USP34: variants seen among roughly 807,000 people sequenced by gnomAD.
USP34 encodes the protein ubiquitin specific peptidase 34.
Under a neutral mutation model 460.3 loss-of-function variants are expected in USP34, and 70 were observed. The observed-to-expected ratio is 0.15, with a 90% CI of 0.13 to 0.19. The LOEUF is 0.19. USP34 is among the 10% of genes least tolerant of loss of function. The pLI is 1.00. For synonymous variants in USP34, 1,647 were observed against 1,405.3 expected, an observed-to-expected ratio of 1.17 and a Z score of -3.85; for missense variants, 3,985 against 4,236.2, an observed-to-expected ratio of 0.94 and a Z score of 1.65.
At chr2:61,290,246 T>G (rs1333894974) in intron 33 of USP34, among the ~76,000 whole-genome samples, 1 of 152,172 alleles carries the variant, frequency 6.6e-6, no homozygotes. Flanking sequence ...TCTCGTATGT[T>G]GCATAGTATA....
intron 57 of USP34, among the ~76,000 whole-genome samples, chr2:61,232,868 C>CG (rs1402367950): frequency 6.6e-5 from 8 of 120,338 alleles, no homozygotes; most frequent in Non-Finnish European, 1.2e-4. Flanking sequence ...ATTCCCCCCC[C>CG]CCTTTTTTTT....
intron 7 of USP34, 74 bp from the exon 8 acceptor site, chr2:61,378,498 T>A (rs1264229530): frequency 2.2e-6 from 2 of 915,596 alleles, no homozygotes; most frequent in Non-Finnish European, 3.4e-6. Flanking sequence ...AATACTAACA[T>A]GGTAAACTGA....
At chr2:61,343,403 C>T (rs570266294) in intron 16 of USP34, among the ~76,000 whole-genome samples, 1 of 152,254 alleles carries the variant, frequency 6.6e-6, no homozygotes, top group African/African-American at 2.4e-5. Flanking sequence ...CAAGCAACCA[C>T]TAACCTTCTG....
At chr2:61,200,942 T>A (rs1280385702) in intron 75 of USP34, among the ~76,000 whole-genome samples, 1 of 152,192 alleles carries the variant, frequency 6.6e-6, no homozygotes, top group East Asian at 1.9e-4. Flanking sequence ...GGTCTTTGTC[T>A]AAGACCTAAG....
At chr2:61,358,640 T>C (rs1174610740) in intron 10 of USP34, among the ~76,000 whole-genome samples, 1 of 152,080 alleles carries the variant, frequency 6.6e-6, no homozygotes, top group Non-Finnish European at 1.5e-5. Flanking sequence ...GACAAAAATA[T>C]GAAAGGCATC....
At chr2:61,464,334 A>G (rs1347217836) in intron 1 of USP34, among the ~76,000 whole-genome samples, 1 of 152,190 alleles carries the variant, frequency 6.6e-6, no homozygotes, top group Non-Finnish European at 1.5e-5. Context: ...CACCACCACC[A>G]ACAAAATAAA....
Position 61,229,650 on chromosome 2 carries a change from A to C in USP34, c.7114-17T>G. On this transcript the variant is annotated splice_polypyrimidine_tract_variant and intron_variant, in intron 58 of 79. Coordinates refer to ENST00000398571, the MANE Select transcript of USP34 (RefSeq NM_014709.4). ...CTGAAACATCTGTGAAGAAAGAAAA[A>C]GATCAAACAAGAGCCAACTCATCAG... The C allele has an allele frequency of 6.3e-7, 1 of 1,596,958 alleles. No homozygotes were observed. Among genetic ancestry groups the C allele is most frequent in the Non-Finnish European group, 8.5e-7 (1 of 1,171,666 alleles).
intron 2 of USP34, among the ~76,000 whole-genome samples, chr2:61,416,107 C>T (rs1015746919): frequency 3.3e-5 from 5 of 152,136 alleles, no homozygotes; most frequent in African/African-American, 1.2e-4. Flanking sequence ...TTCAACCTCA[C>T]CAAAAATTGT....
Position 61,245,238 on chromosome 2 carries a change from G to C in USP34, c.6599C>G (p.Ala2200Gly), listed in dbSNP as rs777125338. The change falls in exon 51 of 80, where the codon GCA becomes GGA. Residue 2200 changes from alanine to glycine, a missense_variant. Physicochemically the swap from Ala to Gly is moderately conservative, Grantham distance 60 (BLOSUM62 0). Transcript: ENST00000398571. Reference protein sequence around the residue: ...EVKPFDSAQLASECFGGEMTT... With the variant: ...EVKPFDSAQLGSECFGGEMTT... ...CATCTCTCCACCAAAACATTCAGAT[G>C]CAAGTTGAGCAGAATCAAAAGGTTT... 6.2e-7 allele frequency: 1 copy of C among 1,609,884 alleles called. No individual in the cohort carries two copies.
At position 61,454,607 on chromosome 2, in the gene USP34, T is replaced by G. The variant is rs1573060670; in HGVS notation, c.43+16043A>C. On this transcript the variant is annotated intron_variant, in intron 1 of 79. Coordinates refer to ENST00000398571, the MANE Select transcript of USP34 (RefSeq NM_014709.4). ...CTCTGTCGCCCAGACTACAGTGAAGTGACACAACCTCTACTCACTTCAACC... is the reference window on the plus strand; with the variant it reads ...CTCTGTCGCCCAGACTACAGTGAAGGGACACAACCTCTACTCACTTCAACC... Among the ~76,000 whole-genome samples the G allele has an allele frequency of 2.0e-5, 3 of 151,784 alleles. No individual in the cohort carries two copies. In the South Asian group the frequency reaches 6.2e-4, roughly 32 times the overall value.
At position 61,208,964 on chromosome 2, in the gene USP34, G is replaced by C. The variant is rs1687194690; in HGVS notation, c.8854C>G (p.Leu2952Val). Reference protein sequence around the residue: ...WTTLISAFRILLESDEDRLLV... With the variant: ...WTTLISAFRIVLESDEDRLLV... ...AGTCTGTCTTCATCAGATTCTAATA[G>C]TATTCTGAAGGCACTAGAAGAAAAC... The change falls in exon 70 of 80, where the codon CTA (leucine) becomes GTA (valine). Residue 2952 changes from leucine to valine, a missense_variant. Transcript: ENST00000398571. The C allele has an allele frequency of 1.3e-6, 2 of 1,586,242 alleles. No homozygotes were observed. Among genetic ancestry groups the C allele is most frequent in the Non-Finnish European group, 1.7e-6 (2 of 1,166,318 alleles).
At chr2:61,441,888 T>C (rs1553392171) in intron 1 of USP34, among the ~76,000 whole-genome samples, 1 of 147,746 alleles carries the variant, frequency 6.8e-6, no homozygotes, top group Non-Finnish European at 1.5e-5. Context: ...TTGAAAGCTG[T>C]AGTAACCAAA....
intron 2 of USP34, among the ~76,000 whole-genome samples, chr2:61,411,909 G>A (rs1276595841): frequency 2.0e-5 from 3 of 152,038 alleles, no homozygotes; most frequent in Admixed American, 2.0e-4. Flanking sequence ...AACAGTAAGG[G>A]CGGGCGTGGT....
chr2:61,303,155 C>T (rs12474734), intron 27 of USP34, among the ~76,000 whole-genome samples: 15,427 of 152,050 alleles, frequency 0.1, 1,030 homozygotes, highest in Non-Finnish European at 0.14. Flanking sequence ...CAACCTCCGC[C>T]TCCTGGGTTC....
At chr2:61,285,048 G>T (rs902069598) in intron 34 of USP34, 91 bp from the exon 35 acceptor site, 6 of 967,534 alleles carry the variant, frequency 6.2e-6, no homozygotes, top group Non-Finnish European at 7.5e-6. Flanking sequence ...AAAGAGATGT[G>T]TATTACAAAA....
At chr2:61,470,177 C>T (rs1450511642) in intron 1 of USP34, among the ~76,000 whole-genome samples, 1 of 152,204 alleles carries the variant, frequency 6.6e-6, no homozygotes, top group African/African-American at 2.4e-5. Flanking sequence ...AAAACCACCA[C>T]CCTGCTCCCG....
intron 10 of USP34, among the ~76,000 whole-genome samples, chr2:61,358,964 CTAAA>C (rs1692190653): frequency 6.6e-6 from 1 of 151,984 alleles, no homozygotes; most frequent in Non-Finnish European, 1.5e-5. Flanking sequence ...AATTAAAAAC[CTAAA>C]TAAAGACAAA....
chr2:61,247,741 T>C (rs553706305), intron 49 of USP34, among the ~76,000 whole-genome samples: 1 of 152,176 alleles, frequency 6.6e-6, no homozygotes, highest in Admixed American at 6.5e-5. Flanking sequence ...AATGTATACA[T>C]ACAATGCCCA....
Position 61,241,799 on chromosome 2 carries a change from A to G in USP34, c.6648T>C (p.Val2216=), listed in dbSNP as rs1322124201. Residue 2216 remains valine (V), a synonymous_variant, in exon 52 of 80, where the codon GTT becomes GTC. Coordinates refer to ENST00000398571, the MANE Select transcript of USP34 (RefSeq NM_014709.4). The part of the protein sequence containing the change: ...GEMTTKTYDS[V]TDKFMDFSFE... ...AAGAGAAGTCCATAAATTTATCTGT[A>G]ACAGAATCATAGGTCTTGGTCTGTT... 6.5e-7 allele frequency: 1 copy of G among 1,539,298 alleles called. No homozygotes were observed. The highest frequency in any genetic ancestry group is 2.1e-5 in the Admixed American group (1 of 47,200).
Sources: allele counts gnomAD v4.1 joint callset (sites outside exome capture counted in the v4.1 genomes callset), GRCh38; gene constraint gnomAD v4.1.1; transcripts MANE v1.5; gene names NCBI Gene and HGNC (gene_info 2026-07-23, HGNC 2026-07-21).